GFOD1: variants seen among roughly 807,000 people sequenced by gnomAD.
GFOD1 encodes the protein Gfo/Idh/MocA-like oxidoreductase domain containing 1, also known as glucose-fructose oxidoreductase domain-containing protein 1.
Under a neutral mutation model 25.4 loss-of-function variants are expected in GFOD1, and 9 were observed. That is an observed-to-expected ratio of 0.35 (90% CI 0.21 to 0.62). The LOEUF is 0.62. Ranked by LOEUF, GFOD1 falls within the 20% of genes least tolerant of loss-of-function variation. GFOD1 has a pLI of 0.72. For synonymous variants in GFOD1, 253 were observed against 245.6 expected, an observed-to-expected ratio of 1.03 and a Z score of -0.28; for missense variants, 403 against 556.9, an observed-to-expected ratio of 0.72 and a Z score of 2.78.
intron 1 of GFOD1, among the ~76,000 whole-genome samples, chr6:13,387,008 G>T (rs1785488556): frequency 1.3e-5 from 2 of 152,148 alleles, no homozygotes; most frequent in Non-Finnish European, 2.9e-5. Context: ...CAGGATAGAT[G>T]ATTAGACCAA....
chr6:13,423,319 T>C (rs1219264633), intron 1 of GFOD1, among the ~76,000 whole-genome samples: 1 of 152,172 alleles, frequency 6.6e-6, no homozygotes, highest in Non-Finnish European at 1.5e-5. Flanking sequence ...ATGAGTTTAT[T>C]AGAATGTTGA....
chr6:13,398,192 A>C (rs923903145), intron 1 of GFOD1, among the ~76,000 whole-genome samples: 3 of 152,210 alleles, frequency 2.0e-5, no homozygotes, highest in Admixed American at 1.3e-4. Context: ...AATGAGAACT[A>C]TTACCTCATA....
intron 1 of GFOD1, among the ~76,000 whole-genome samples, chr6:13,373,673 C>A (rs564537396): frequency 1.4e-4 from 22 of 151,874 alleles, no homozygotes; most frequent in Admixed American, 4.6e-4. Flanking sequence ...CTTACTGCAA[C>A]ACTCCATTTA....
intron 1 of GFOD1, chr6:13,470,483 T>G: frequency 6.5e-7 from 1 of 1,550,082 alleles, no homozygotes; most frequent in African/African-American, 1.4e-5. Flanking sequence ...CCCCTGGGAC[T>G]CTCCAAGAGC....
intron 1 of GFOD1, among the ~76,000 whole-genome samples, chr6:13,419,757 C>A (rs919936835): frequency 1.1e-4 from 16 of 152,312 alleles, no homozygotes; most frequent in Admixed American, 9.8e-4. Flanking sequence ...CCACTCCCAC[C>A]CCCTTCGCAC....
chr6:13,461,985 C>T (rs546545260), intron 1 of GFOD1, among the ~76,000 whole-genome samples: 24 of 152,298 alleles, frequency 1.6e-4, no homozygotes, highest in African/African-American at 4.8e-4. Flanking sequence ...AGCAGAGTAG[C>T]GCAACAGCAC....
In GFOD1 at chr6:13,358,123, CT is replaced by C. The variant is rs1784896091; in HGVS notation, c.*6619del. Reference sequence around the variant, plus strand: ...AGTTGCATTCATTGTCTTTTTTTTTCTTCTTTTTTTCCTTTAATAATAAAAA... The same window carrying C: ...AGTTGCATTCATTGTCTTTTTTTTTCTCTTTTTTTCCTTTAATAATAAAAA... On this transcript the variant is annotated 3_prime_UTR_variant, in exon 2 of 2. Coordinates refer to ENST00000379287, the MANE Select transcript of GFOD1 (RefSeq NM_018988.4). The C allele has an allele frequency of 2.0e-5, 3 of 151,760 alleles. No homozygotes were observed. The highest frequency in any genetic ancestry group is 6.6e-5 in the Admixed American group (1 of 15,250). The allele number at this position is 151,760 out of a possible 1,614,324, so 9.4% of individuals were successfully genotyped here. A position where few individuals can be genotyped will look rare whatever the true frequency, so the allele number is the denominator to read the frequency against.
intron 1 of GFOD1, among the ~76,000 whole-genome samples, chr6:13,397,142 G>A (rs1785748456): frequency 6.6e-6 from 1 of 152,080 alleles, no homozygotes; most frequent in Non-Finnish European, 1.5e-5. Flanking sequence ...CCCATTGTGG[G>A]TGCCCACAGT....
intron 1 of GFOD1, among the ~76,000 whole-genome samples, chr6:13,400,937 G>A (rs181658951): frequency 6.6e-6 from 1 of 152,162 alleles, no homozygotes; most frequent in African/African-American, 2.4e-5. Flanking sequence ...AAGTACAGGG[G>A]GTGGGGACAG....
At chr6:13,425,112 C>T (rs563202683) in intron 1 of GFOD1, among the ~76,000 whole-genome samples, 4 of 152,132 alleles carry the variant, frequency 2.6e-5, no homozygotes, top group Non-Finnish European at 4.4e-5. Context: ...GCACATGCCA[C>T]AATACTGGGC....
rs139447420 is a variant in GFOD1 at position 13,430,183 on chromosome 6, C to T, written c.253+56455G>A. On this transcript the variant is annotated intron_variant, in intron 1 of 1. Transcript: ENST00000379287. The surrounding 1 kb of genome is among the most constrained non-coding windows in gnomAD (Gnocchi z 4.1). ...CGGGAGCAGTCGCTCATGCCTGTAA[C>T]CCCAGCACTTTGGGAAGCAGAGGCG... 0.017 allele frequency among the ~76,000 whole-genome samples: 2,601 copies of T among 152,284 alleles called. 36 individuals carry two copies. The highest frequency in any genetic ancestry group is 0.048 in the Middle Eastern group (14 of 294).
Position 13,486,960 on chromosome 6 carries a change from T to G in GFOD1, c.-70A>C. 2.0e-6 allele frequency: 3 copies of G among 1,531,328 alleles called. No homozygotes were observed. Among genetic ancestry groups the G allele is most frequent in the Non-Finnish European group, 1.8e-6 (2 of 1,135,600 alleles). The allele number at this position is 1,531,328 out of a possible 1,614,324, so 94.9% of individuals were successfully genotyped here. On this transcript the variant is annotated 5_prime_UTR_variant, in exon 1 of 2. Transcript: ENST00000379287. The stretch of plus-strand genomic sequence containing the variant: ...TCCAACGCGCGCACACACCCACCTC[T>G]AGCCAGTCCTGCACCCCGCTCCTGT...
chr6:13,381,471 C>G (rs916372163), intron 1 of GFOD1, among the ~76,000 whole-genome samples: 1 of 152,200 alleles, frequency 6.6e-6, no homozygotes, highest in African/African-American at 2.4e-5. Context: ...AGAAAAGGGT[C>G]CCAGCGGAGC....
chr6:13,455,191 C>G (rs1758166865), intron 1 of GFOD1, among the ~76,000 whole-genome samples: 1 of 152,148 alleles, frequency 6.6e-6, no homozygotes, highest in Non-Finnish European at 1.5e-5. Flanking sequence ...AGCCCCAAAG[C>G]CTGGCAGTGA....
chr6:13,371,718 C>T (rs917385460), intron 1 of GFOD1, among the ~76,000 whole-genome samples: 7 of 152,214 alleles, frequency 4.6e-5, no homozygotes, highest in Admixed American at 2.0e-4. Flanking sequence ...CCCTGGTGCT[C>T]TCAATGGTGG....
rs1758902450 is a variant in GFOD1, at chr6:13,487,555, C to T, written c.-665G>A. The T allele has an allele frequency of 6.6e-6, 1 of 152,008 alleles. No individual in the cohort carries two copies. The highest frequency in any genetic ancestry group is 1.5e-5 in the Non-Finnish European group (1 of 67,986). The allele number at this position is 152,008 out of a possible 1,614,324, so 9.4% of individuals were successfully genotyped here. ...TCCTCATTCTGCTGCCATGTTCGCT[C>T]GCCTCGCGGCTCGGGCGGCCTCGGC... On this transcript the variant is annotated 5_prime_UTR_variant, in exon 1 of 2. Transcript: ENST00000379287. This position sits in a 1 kb window ranked among gnomAD's most constrained non-coding sequence, Gnocchi z 4.9.
chr6:13,446,342 T>C (rs977049462), intron 1 of GFOD1, among the ~76,000 whole-genome samples: 1 of 151,958 alleles, frequency 6.6e-6, no homozygotes, highest in East Asian at 1.9e-4. Context: ...CCCAGGAGAA[T>C]GAGGGGGAAA....
chr6:13,448,744 A>G (rs892782461), intron 1 of GFOD1, among the ~76,000 whole-genome samples: 1 of 152,178 alleles, frequency 6.6e-6, no homozygotes, highest in Non-Finnish European at 1.5e-5. Flanking sequence ...CCACCAAGGA[A>G]TTTATAAACT....
chr6:13,466,758 T>C (rs980099527), intron 1 of GFOD1, among the ~76,000 whole-genome samples: 1 of 152,228 alleles, frequency 6.6e-6, no homozygotes, highest in Non-Finnish European at 1.5e-5. Context: ...ACGCCCACTG[T>C]GCTGATAAAT....
Sources: gnomAD v4.1 joint callset for allele counts (sites outside exome capture counted in the v4.1 genomes callset) on GRCh38, gnomAD v4.1.1 for gene constraint, Gnocchi (gnomAD v3.1) non-coding constraint, MANE v1.5 for transcripts, NCBI Gene and HGNC (gene_info 2026-07-23, HGNC 2026-07-21) for gene names.